The following CA10 variants were observed in gnomAD, a reference collection of about 807,000 sequenced individuals.
CA10 encodes the protein carbonic anhydrase-related protein 10.
In CA10, 14 loss-of-function variants were observed where a neutral mutation model predicts 44.2. The observed-to-expected ratio is 0.32, with a 90% CI of 0.21 to 0.50. The LOEUF (loss-of-function observed/expected upper bound fraction) is 0.50, where lower values mean the gene tolerates loss of function less well. Among genes scored for constraint, CA10 ranks in the 20% least tolerant of loss-of-function variants. The pLI is 0.99. For synonymous variants in CA10, 159 were observed against 141.6 expected, an observed-to-expected ratio of 1.12 and a Z score of -0.87; for missense variants, 350 against 409.7, an observed-to-expected ratio of 0.85 and a Z score of 1.26.
intron 1 of CA10, among the ~76,000 whole-genome samples, chr17:52,137,842 G>T (rs1260288472): frequency 6.6e-6 from 1 of 152,146 alleles, no homozygotes; most frequent in East Asian, 1.9e-4. Flanking sequence ...AAAAAGTAGA[G>T]AGCACTGGAT....
chr17:51,987,646 TA>T (rs569265735), intron 2 of CA10, among the ~76,000 whole-genome samples: 2 of 151,018 alleles, frequency 1.3e-5, no homozygotes, highest in South Asian at 2.1e-4. Context: ...AAGCAGAAAA[TA>T]AAAAAAAGAC....
intron 3 of CA10, among the ~76,000 whole-genome samples, chr17:51,797,794 T>C (rs920405307): frequency 1.5e-5 from 2 of 131,406 alleles, no homozygotes; most frequent in Non-Finnish European, 3.0e-5. Context: ...GAGGTTGCAG[T>C]GAGCGGAGAT....
chr17:51,949,382 C>T (rs763608262), intron 2 of CA10, among the ~76,000 whole-genome samples: 20 of 152,132 alleles, frequency 1.3e-4, no homozygotes, highest in Non-Finnish European at 2.2e-4. Flanking sequence ...CTCATTTACA[C>T]TTCTATTTTC....
intron 3 of CA10, among the ~76,000 whole-genome samples, chr17:51,876,160 G>GTTTT (rs3033579): frequency 8.4e-5 from 5 of 59,792 alleles, no homozygotes; most frequent in African/African-American, 2.3e-4. Context: ...TTCTTCTCTC[G>GTTTT]TTTTTTTTTT....
chr17:51,700,572 C>T (rs1468261140), intron 4 of CA10, among the ~76,000 whole-genome samples: 1 of 152,176 alleles, frequency 6.6e-6, no homozygotes, highest in East Asian at 1.9e-4. Flanking sequence ...CCCCTCATGG[C>T]CTTCCATCTG....
intron 2 of CA10, among the ~76,000 whole-genome samples, chr17:51,978,392 G>A (rs1984535099): frequency 6.6e-6 from 1 of 151,150 alleles, no homozygotes. Context: ...ATGTGTGTGT[G>A]TGTGTGTGTG....
intron 3 of CA10, among the ~76,000 whole-genome samples, chr17:51,804,014 T>A (rs796529333): frequency 2.0e-5 from 3 of 152,184 alleles, no homozygotes; most frequent in East Asian, 3.9e-4. Context: ...TTGCTAAACC[T>A]CTCTATCCCC....
chr17:51,811,418 T>G (rs1368663257), intron 3 of CA10, among the ~76,000 whole-genome samples: 8 of 152,170 alleles, frequency 5.3e-5, no homozygotes, highest in Non-Finnish European at 1.2e-4. Context: ...TAGGTATTTC[T>G]CCTAATGCTA....
chr17:52,117,023 A>C (rs2143302945), intron 1 of CA10, among the ~76,000 whole-genome samples: 1 of 152,338 alleles, frequency 6.6e-6, no homozygotes, highest in East Asian at 1.9e-4. Flanking sequence ...TGAACTAATA[A>C]GGGATTTAAA....
At chr17:51,806,734 G>C (rs1907154278) in intron 3 of CA10, among the ~76,000 whole-genome samples, 2 of 152,330 alleles carry the variant, frequency 1.3e-5, no homozygotes, top group South Asian at 4.1e-4. Context: ...ATAATTTCAT[G>C]TTGCATACAT....
intron 1 of CA10, among the ~76,000 whole-genome samples, chr17:52,083,042 G>A (rs1362521706): frequency 6.6e-6 from 1 of 152,088 alleles, no homozygotes; most frequent in African/African-American, 2.4e-5. Flanking sequence ...ATAAATCATA[G>A]CAATAAGGAA....
intron 3 of CA10, among the ~76,000 whole-genome samples, chr17:51,925,520 T>A (rs1982395214): frequency 6.6e-6 from 1 of 151,756 alleles, no homozygotes; most frequent in African/African-American, 2.4e-5. Context: ...ATAGCCACTG[T>A]GTAAAAAAGT....
intron 1 of CA10, among the ~76,000 whole-genome samples, chr17:52,102,556 CAG>C (rs1297993709): frequency 1.3e-5 from 2 of 152,206 alleles, no homozygotes; most frequent in African/African-American, 4.8e-5. Flanking sequence ...CCATCTAACA[CAG>C]AGTTATGTAA....
chr17:51,704,339 T>A (rs1291987588), intron 4 of CA10, among the ~76,000 whole-genome samples: 4 of 152,188 alleles, frequency 2.6e-5, no homozygotes, highest in African/African-American at 4.8e-5. Flanking sequence ...AGCACACAAT[T>A]GAAACAATGG....
chr17:51,771,752 A>G (rs1905621333), intron 3 of CA10, among the ~76,000 whole-genome samples: 1 of 152,192 alleles, frequency 6.6e-6, no homozygotes, highest in Non-Finnish European at 1.5e-5. Context: ...ATGGTTTCCT[A>G]GGTTCTGAGT....
chr17:51,896,575 A>G (rs11654419), intron 3 of CA10, among the ~76,000 whole-genome samples: 20,318 of 152,114 alleles, frequency 0.13, 2,155 homozygotes, highest in African/African-American at 0.3. Context: ...TGGCAGCACA[A>G]TTTATATATC....
chr17:51,851,734 T>C (rs1978804484), intron 3 of CA10, among the ~76,000 whole-genome samples: 1 of 152,304 alleles, frequency 6.6e-6, no homozygotes, highest in East Asian at 1.9e-4. Flanking sequence ...TAAATATTTG[T>C]TGAACTAATC....
At chr17:52,108,188 TA>T (rs1484334920) in intron 1 of CA10, among the ~76,000 whole-genome samples, 3 of 44,508 alleles carry the variant, frequency 6.7e-5, no homozygotes, top group African/African-American at 2.3e-4. Flanking sequence ...TTTATATATA[TA>T]TTTTTTATAT....
intron 2 of CA10, among the ~76,000 whole-genome samples, 172 bp from the exon 3 acceptor site, chr17:51,931,304 A>G (rs527743519): frequency 6.6e-6 from 1 of 152,182 alleles, no homozygotes; most frequent in East Asian, 1.9e-4. Context: ...ATCTTGGTCC[A>G]CTTCTCTAAG....
Sources: gnomAD v4.1 joint callset for allele counts (sites outside exome capture counted in the v4.1 genomes callset) on GRCh38, gnomAD v4.1.1 for gene constraint, MANE v1.5 for transcripts, NCBI Gene and HGNC (gene_info 2026-07-23, HGNC 2026-07-21) for gene names.